The following AUTS2 variants were observed in gnomAD, a reference collection of about 807,000 sequenced individuals.
AUTS2 encodes the protein autism susceptibility gene 2 protein.
A neutral mutation model predicts 112.4 loss-of-function variants in AUTS2; 17 were observed. That is an observed-to-expected ratio of 0.15 (90% CI 0.10 to 0.23). The LOEUF is 0.23. Ranked by LOEUF, AUTS2 falls within the 10% of genes least tolerant of loss-of-function variation. The pLI is 1.00. For missense variants in AUTS2, 1,510 were observed against 1,701.6 expected (o/e 0.89, Z 1.98); for synonymous variants, 751 against 702.7 (o/e 1.07, Z -1.09).
At chr7:70,001,001 G>A (rs1036441608) in intron 2 of AUTS2, among the ~76,000 whole-genome samples, 1 of 152,200 alleles carries the variant, frequency 6.6e-6, no homozygotes, top group East Asian at 1.9e-4. Flanking sequence ...AAAAAGCCTG[G>A]TTGAATTAAG....
At chr7:70,147,942 T>C (rs1231265971) in intron 4 of AUTS2, among the ~76,000 whole-genome samples, 5 of 152,054 alleles carry the variant, frequency 3.3e-5, no homozygotes, top group African/African-American at 9.7e-5. Flanking sequence ...TCCCAAAATA[T>C]CCCAAAGTAC....
chr7:70,452,471 A>G (rs1796576009), intron 5 of AUTS2, among the ~76,000 whole-genome samples: 1 of 152,264 alleles, frequency 6.6e-6, no homozygotes, highest in African/African-American at 2.4e-5. Context: ...TAATACTACT[A>G]TTAATAATAA....
intron 1 of AUTS2, among the ~76,000 whole-genome samples, chr7:69,658,571 C>A (rs1019190493): frequency 6.6e-6 from 1 of 152,110 alleles, no homozygotes; most frequent in African/African-American, 2.4e-5. Flanking sequence ...TGCAGAGACA[C>A]CAAGAGGCAC....
intron 1 of AUTS2, among the ~76,000 whole-genome samples, chr7:69,738,369 C>T (rs1787125127): frequency 6.6e-6 from 1 of 152,082 alleles, no homozygotes; most frequent in African/African-American, 2.4e-5. Flanking sequence ...TTACTTCCCA[C>T]AATGACCCTG....
At chr7:69,866,961 A>G (rs1406570575) in intron 1 of AUTS2, among the ~76,000 whole-genome samples, 2 of 152,198 alleles carry the variant, frequency 1.3e-5, no homozygotes, top group African/African-American at 2.4e-5. Flanking sequence ...AGCCTGGAAA[A>G]AGGACCCATG....
intron 5 of AUTS2, among the ~76,000 whole-genome samples, chr7:70,617,522 G>C (rs1804437163): frequency 6.6e-6 from 1 of 152,122 alleles, no homozygotes. Context: ...AATTAGCTGG[G>C]CGTGGTGGCG....
intron 1 of AUTS2, among the ~76,000 whole-genome samples, chr7:69,658,103 A>G (rs1168678949): frequency 6.6e-6 from 1 of 152,248 alleles, no homozygotes; most frequent in African/African-American, 2.4e-5. Flanking sequence ...GTGTTCATAA[A>G]TAAAGTTTTA....
At chr7:70,496,237 TCA>T (rs1213694004) in intron 5 of AUTS2, among the ~76,000 whole-genome samples, 28 of 25,660 alleles carry the variant, frequency 1.1e-3, no homozygotes, top group East Asian at 2.3e-3. Context: ...ACGTACACAG[TCA>T]CACACACACA....
intron 2 of AUTS2, among the ~76,000 whole-genome samples, chr7:69,981,722 T>TA (rs1317284119): frequency 6.6e-6 from 1 of 152,218 alleles, no homozygotes; most frequent in African/African-American, 2.4e-5. Context: ...AGAAAAATCT[T>TA]AAGACTGAAA....
At chr7:69,957,742 G>T (rs1216862413) in intron 2 of AUTS2, among the ~76,000 whole-genome samples, 1 of 152,064 alleles carries the variant, frequency 6.6e-6, no homozygotes, top group Non-Finnish European at 1.5e-5. Flanking sequence ...AAACAGGGAG[G>T]GTGTTTGTGT....
chr7:70,683,344 TTGATC>T (rs1186667357), intron 5 of AUTS2, among the ~76,000 whole-genome samples: 1 of 152,222 alleles, frequency 6.6e-6, no homozygotes, highest in Non-Finnish European at 1.5e-5. Flanking sequence ...TATTTACTCA[TTGATC>T]TGACCACTGC....
chr7:69,938,828 A>G (rs1796514944), intron 2 of AUTS2, among the ~76,000 whole-genome samples: 1 of 152,152 alleles, frequency 6.6e-6, no homozygotes, highest in African/African-American at 2.4e-5. Flanking sequence ...GTAAGACAGA[A>G]ATGTGTGAGG....
chr7:70,602,940 T>C (rs1803550497), intron 5 of AUTS2, among the ~76,000 whole-genome samples: 1 of 152,234 alleles, frequency 6.6e-6, no homozygotes, highest in Non-Finnish European at 1.5e-5. Context: ...ACAAGTGGTA[T>C]GTGCTGAGAA....
intron 2 of AUTS2, among the ~76,000 whole-genome samples, chr7:69,989,855 A>G (rs1462335036): frequency 6.6e-6 from 1 of 152,180 alleles, no homozygotes; most frequent in Non-Finnish European, 1.5e-5. Context: ...CAGCGGCGGC[A>G]TTAGACTCTC....
At chr7:70,484,379 T>C (rs1328514418) in intron 5 of AUTS2, among the ~76,000 whole-genome samples, 1 of 152,188 alleles carries the variant, frequency 6.6e-6, no homozygotes, top group Non-Finnish European at 1.5e-5. Flanking sequence ...ACTGACATCA[T>C]GTTTTGTGGT....
intron 2 of AUTS2, among the ~76,000 whole-genome samples, chr7:69,946,595 C>T (rs1481790583): frequency 6.6e-6 from 1 of 150,708 alleles, no homozygotes; most frequent in African/African-American, 2.4e-5. Context: ...CACACACACA[C>T]ACACACACAC....
chr7:70,094,901 T>C (rs1175158503), intron 2 of AUTS2, among the ~76,000 whole-genome samples: 1 of 151,734 alleles, frequency 6.6e-6, no homozygotes, highest in South Asian at 2.1e-4. Context: ...AGCTTAGGAG[T>C]CTGTAAGCCT....
intron 4 of AUTS2, chr7:70,290,768 A>T (rs531785673): frequency 2.4e-4 from 167 of 694,178 alleles, no homozygotes; most frequent in Non-Finnish European, 3.1e-4. Context: ...TCTACTAATA[A>T]ATTAGATTTT....
chr7:70,534,551 T>C (rs912921350), intron 5 of AUTS2, among the ~76,000 whole-genome samples: 4 of 152,064 alleles, frequency 2.6e-5, no homozygotes, highest in African/African-American at 9.7e-5. Context: ...CTCAGCCTCC[T>C]GAGAAGCTGA....
Sources: allele counts gnomAD v4.1 joint callset (sites outside exome capture counted in the v4.1 genomes callset), GRCh38; gene constraint gnomAD v4.1.1; transcripts MANE v1.5; gene names NCBI Gene and HGNC (gene_info 2026-07-23, HGNC 2026-07-21).